The following SATL1 variants were observed in gnomAD, a reference collection of about 807,000 sequenced individuals.
The protein encoded by SATL1 is spermidine/spermine N1-acetyl transferase like 1.
In SATL1, 47 loss-of-function variants were observed where a neutral mutation model predicts 51.8. The observed-to-expected ratio is 0.91, with a 90% CI of 0.72 to 1.16. SATL1 has a LOEUF of 1.16. Ranked by LOEUF, SATL1 falls within the 50% of genes most tolerant of loss-of-function variation. The pLI, the probability that SATL1 is intolerant of heterozygous loss-of-function variation, is 0.00. For synonymous variants in SATL1, 176 were observed against 182.4 expected, an observed-to-expected ratio of 0.97 and a Z score of 0.28; for missense variants, 520 against 526.4, an observed-to-expected ratio of 0.99 and a Z score of 0.12.
chrX:85,115,795 C>T (rs1250861539), intron 2 of SATL1, among the ~76,000 whole-genome samples: 1 of 111,485 alleles, frequency 9.0e-6, no homozygotes, highest in African/African-American at 3.3e-5. Flanking sequence ...AGACATTGCA[C>T]AGTTTTAGGC....
At chrX:85,164,237 A>G (rs1050906974) in intron 2 of SATL1, among the ~76,000 whole-genome samples, 1 of 111,897 alleles carries the variant, frequency 8.9e-6, no homozygotes, top group Non-Finnish European at 1.9e-5. Flanking sequence ...ATTTACATTC[A>G]ACATTAGTAT....
intron 2 of SATL1, among the ~76,000 whole-genome samples, chrX:85,185,597 T>C (rs1927295889): frequency 9.0e-6 from 1 of 111,710 alleles, no homozygotes; most frequent in South Asian, 3.8e-4. Context: ...TCTCTCCCTA[T>C]GGCTATCACT....
chrX:85,168,392 C>T (rs749511320), intron 2 of SATL1, among the ~76,000 whole-genome samples: 6 of 111,448 alleles, frequency 5.4e-5, no homozygotes, highest in Non-Finnish European at 1.1e-4. Context: ...TAGTCTCAGC[C>T]AAAAAGCTCA....
intron 2 of SATL1, among the ~76,000 whole-genome samples, chrX:85,141,721 C>T (rs940412458): frequency 1.1e-4 from 12 of 110,404 alleles, no homozygotes; most frequent in Non-Finnish European, 2.1e-4. Flanking sequence ...ACAATAATAA[C>T]ATATAAATTC....
At chrX:85,192,634 C>A (rs1239722789) in intron 2 of SATL1, among the ~76,000 whole-genome samples, 1 of 111,452 alleles carries the variant, frequency 9.0e-6, no homozygotes, top group African/African-American at 3.3e-5. Context: ...GTCAAGCAGT[C>A]ATTTGTTTTG....
intron 2 of SATL1, among the ~76,000 whole-genome samples, chrX:85,168,176 G>A (rs1926888953): frequency 9.0e-6 from 1 of 111,184 alleles, no homozygotes; most frequent in Admixed American, 9.6e-5. Context: ...TAGTTGACCT[G>A]ATACTGAATG....
chrX:85,187,464 T>C (rs746928246), intron 2 of SATL1, among the ~76,000 whole-genome samples: 45 of 111,852 alleles, frequency 4.0e-4, no homozygotes, highest in African/African-American at 1.4e-3. Context: ...TTATCATATA[T>C]AACCTTTATT....
At position 85,141,521 on chromosome X, in the gene SATL1, T is replaced by C. The variant is rs535103185; in HGVS notation, c.-312-32241A>G. Among the ~76,000 whole-genome samples, 3 of 111,917 alleles carry C rather than the reference T, an allele frequency of 2.7e-5. No homozygotes were observed. The South Asian group carries it at 1.1e-3, about 42-fold the overall frequency. ...ACTGTATTTCTGAAGTCTCACCATA[T>C]GGTAGGACTTTCTAAGTGTGTCACA... On this transcript the variant is annotated intron_variant, in intron 2 of 7. Transcript: ENST00000644105.
chrX:85,182,293 T>C (rs933078621), intron 2 of SATL1, among the ~76,000 whole-genome samples: 4 of 111,148 alleles, frequency 3.6e-5, no homozygotes, highest in African/African-American at 1.3e-4. Context: ...CTCTCTACTT[T>C]TATGAGGTCA....
chrX:85,147,299 G>A (rs915188700), intron 2 of SATL1, among the ~76,000 whole-genome samples: 1 of 112,479 alleles, frequency 8.9e-6, no homozygotes, highest in Non-Finnish European at 1.9e-5. Context: ...GGCTTGCTTA[G>A]GTAAACAAAG....
chrX:85,232,820 C>G (rs754579074), intron 1 of SATL1, among the ~76,000 whole-genome samples: 1 of 112,020 alleles, frequency 8.9e-6, no homozygotes, highest in South Asian at 3.8e-4. Context: ...ACTCCAGGGC[C>G]TGGCTCCTGG....
chrX:85,099,787 A>G (rs1393073288), intron 4 of SATL1, among the ~76,000 whole-genome samples: 1 of 112,536 alleles, frequency 8.9e-6, no homozygotes, highest in African/African-American at 3.2e-5. Context: ...ATTATACTCA[A>G]TGGTGAATGA....
chrX:85,232,146 C>T (rs1928393182), intron 1 of SATL1, among the ~76,000 whole-genome samples: 1 of 109,281 alleles, frequency 9.2e-6, no homozygotes, highest in Non-Finnish European at 1.9e-5. Context: ...CATTACAAGC[C>T]CTGGCTCCCA....
chrX:85,184,048 CTT>C (rs1354952299), intron 2 of SATL1, among the ~76,000 whole-genome samples: 1 of 111,635 alleles, frequency 9.0e-6, no homozygotes, highest in East Asian at 2.8e-4. Flanking sequence ...TGAAGTTTGT[CTT>C]TCTGTTCCTG....
Position 85,105,672 on chromosome X carries a change from C to A in SATL1, c.1641+1656G>T, listed in dbSNP as rs749239900. On this transcript the variant is annotated intron_variant, in intron 3 of 7. Transcript: ENST00000644105. ...CTTGGAATGGGACAGTCAATAAAAC[C>A]TGTAATATATTCAGCTAAGCAATTA... 3.6e-5 allele frequency among the ~76,000 whole-genome samples: 4 copies of A among 111,211 alleles called. No individual in the cohort carries two copies. In the East Asian group the frequency reaches 8.5e-4, roughly 24 times the overall value.
chrX:85,137,891 A>G (rs1409496038), intron 2 of SATL1, among the ~76,000 whole-genome samples: 1 of 111,079 alleles, frequency 9.0e-6, no homozygotes, highest in Non-Finnish European at 1.9e-5. Flanking sequence ...TTCTACTGAG[A>G]TATTTTTCAG....
intron 2 of SATL1, among the ~76,000 whole-genome samples, chrX:85,191,900 T>C (rs1220022399): frequency 8.9e-6 from 1 of 111,785 alleles, no homozygotes; most frequent in Non-Finnish European, 1.9e-5. Flanking sequence ...TTCAACTGTA[T>C]ATTTACTATA....
At chrX:85,101,383 ATAGACAC>A (rs1924889194) in intron 4 of SATL1, among the ~76,000 whole-genome samples, 1 of 112,358 alleles carries the variant, frequency 8.9e-6, no homozygotes, top group Non-Finnish European at 1.9e-5. Context: ...AATATCATAA[ATAGACAC>A]TTCTCAAAGA....
chrX:85,148,472 A>T (rs1338223550), intron 2 of SATL1, among the ~76,000 whole-genome samples: 1 of 110,467 alleles, frequency 9.1e-6, no homozygotes, highest in Non-Finnish European at 1.9e-5. Context: ...GAATGCCACA[A>T]AGATATTCCT....
Sources: gnomAD v4.1 joint callset for allele counts (sites outside exome capture counted in the v4.1 genomes callset) on GRCh38, gnomAD v4.1.1 for gene constraint, MANE v1.5 for transcripts, NCBI Gene and HGNC (gene_info 2026-07-23, HGNC 2026-07-21) for gene names.